SYT1: variants seen among roughly 807,000 people sequenced by gnomAD.
SYT1 encodes synaptotagmin 1.
In SYT1, 8 loss-of-function variants were observed where a neutral mutation model predicts 44.8. The observed-to-expected ratio is 0.18, with a 90% CI of 0.10 to 0.32. SYT1 has a LOEUF of 0.32. Among genes scored for constraint, SYT1 ranks in the 10% least tolerant of loss-of-function variants. The pLI, the probability that SYT1 is intolerant of heterozygous loss-of-function variation, is 1.00. For synonymous variants in SYT1, 154 were observed against 188.8 expected, an observed-to-expected ratio of 0.82 and a Z score of 1.51; for missense variants, 286 against 509.3, an observed-to-expected ratio of 0.56 and a Z score of 4.22.
intron 3 of SYT1, among the ~76,000 whole-genome samples, chr12:79,073,103 T>G (rs1442837573): frequency 1.3e-5 from 2 of 152,090 alleles, no homozygotes; most frequent in Non-Finnish European, 1.5e-5. Context: ...AGAACATAAT[T>G]ATTCTTTTTT....
chr12:79,028,577 G>T (rs116724106), intron 2 of SYT1, among the ~76,000 whole-genome samples: 1,686 of 151,244 alleles, frequency 0.011, 33 homozygotes, highest in African/African-American at 0.039. Context: ...ATACATCTTT[G>T]TTGGATAAAC....
chr12:79,039,161 C>A (rs7294674), intron 2 of SYT1, among the ~76,000 whole-genome samples: 11 of 151,796 alleles, frequency 7.2e-5, no homozygotes, highest in Non-Finnish European at 1.5e-4. Flanking sequence ...GTCGAAGCAA[C>A]AATAATCCCT....
Position 79,007,265 on chromosome 12 carries a change from T to A in SYT1, c.-84+29334T>A, listed in dbSNP as rs143000992. On this transcript the variant is annotated intron_variant, in intron 2 of 10. Transcript: ENST00000261205. Reference sequence around the variant, plus strand: ...TTATCAAGTCCCTCCTCCTCTGTGATGCTTCGTTAAGTACTCCAAGCCATG... The same window carrying A: ...TTATCAAGTCCCTCCTCCTCTGTGAAGCTTCGTTAAGTACTCCAAGCCATG... Among the ~76,000 whole-genome samples the A allele has an allele frequency of 3.9e-5, 6 of 152,304 alleles. No homozygotes were observed. The East Asian group carries it at 7.7e-4, about 20-fold the overall frequency.
chr12:79,299,255 T>C, intron 7 of SYT1, 129 bp from the exon 8 acceptor site: 5 of 1,052,590 alleles, frequency 4.8e-6, no homozygotes, highest in Non-Finnish European at 6.8e-6. Context: ...ATTTAAAAAA[T>C]AACCAAAAAC....
At position 79,189,276 on chromosome 12, in the gene SYT1, A is replaced by G. The variant is rs117411708; in HGVS notation, c.-17-28227A>G. Among the ~76,000 whole-genome samples, 841 of 152,238 alleles carry G rather than the reference A, an allele frequency of 5.5e-3. 5 individuals carry two copies. Among genetic ancestry groups the G allele is most frequent in the Non-Finnish European group, 8.5e-3 (581 of 68,010 alleles). ...CTAGCTCTGTGGTCTTGTACAAACT[A>G]TTTAGTCTGTCTACACTTTAATTTC... On this transcript the variant is annotated intron_variant, in intron 3 of 10. Transcript: ENST00000261205.
chr12:78,876,779 A>G lies in SYT1; in HGVS notation c.-217+11670A>G, dbSNP rs528749309. On this transcript the variant is annotated intron_variant, in intron 1 of 10. Transcript: ENST00000261205. ...TATTATATATATTATATATTTATAT[A>G]TTATATAATACATATAATATATTAT... 1.3e-3 allele frequency among the ~76,000 whole-genome samples: 70 copies of G among 52,578 alleles called. No homozygotes were observed. The South Asian group carries it at 0.025, about 19-fold the overall frequency. The allele number at this position is 52,578 out of a possible 152,430, so 34.5% of individuals were successfully genotyped here.
intron 1 of SYT1, among the ~76,000 whole-genome samples, chr12:78,917,962 C>T (rs1876763802): frequency 6.6e-6 from 1 of 151,992 alleles, no homozygotes; most frequent in Admixed American, 6.6e-5. Context: ...ATATTAAATC[C>T]TCCCTAAAAT....
At chr12:79,382,026 G>A (rs1884243305) in intron 9 of SYT1, among the ~76,000 whole-genome samples, 1 of 152,140 alleles carries the variant, frequency 6.6e-6, no homozygotes, top group African/African-American at 2.4e-5. Context: ...TGAGACCACG[G>A]GGGAGGAAGG....
chr12:79,217,333 G>A (rs1874870206), intron 3 of SYT1, among the ~76,000 whole-genome samples, 170 bp from the exon 4 acceptor site: 1 of 152,204 alleles, frequency 6.6e-6, no homozygotes, highest in Non-Finnish European at 1.5e-5. Context: ...TTCACTCGCT[G>A]TGGTTCCATA....
At chr12:79,303,136 T>G (rs1325401706) in intron 8 of SYT1, among the ~76,000 whole-genome samples, 1 of 152,170 alleles carries the variant, frequency 6.6e-6, no homozygotes, top group Non-Finnish European at 1.5e-5. Flanking sequence ...AATAATCTAT[T>G]TAATATTTTG....
chr12:79,307,873 G>A (rs544367381), intron 8 of SYT1, among the ~76,000 whole-genome samples: 18 of 152,344 alleles, frequency 1.2e-4, no homozygotes, highest in African/African-American at 4.3e-4. Flanking sequence ...CAGCTGCTGT[G>A]ATTACCTGGT....
At chr12:78,887,813 G>A (rs1592526846) in intron 1 of SYT1, among the ~76,000 whole-genome samples, 2 of 151,842 alleles carry the variant, frequency 1.3e-5, no homozygotes, top group East Asian at 3.9e-4. Context: ...TCAATATCTA[G>A]CCCTTTCTTT....
intron 7 of SYT1, among the ~76,000 whole-genome samples, chr12:79,296,460 A>T (rs949484663): frequency 1.6e-4 from 24 of 152,202 alleles, no homozygotes; most frequent in African/African-American, 5.1e-4. Flanking sequence ...AATGGAATGG[A>T]CTAGAACATG....
chr12:78,942,068 A>G (rs191053135), intron 1 of SYT1, among the ~76,000 whole-genome samples: 111 of 152,304 alleles, frequency 7.3e-4, no homozygotes, highest in African/African-American at 2.6e-3. Flanking sequence ...ACCCTTCAAT[A>G]TGCCAACCTC....
At chr12:79,326,087 C>A (rs73352963) in intron 8 of SYT1, among the ~76,000 whole-genome samples, 4 of 152,056 alleles carry the variant, frequency 2.6e-5, no homozygotes, top group Non-Finnish European at 5.9e-5. Flanking sequence ...AAATGGAACA[C>A]ATTTTCTTGC....
chr12:79,322,644 G>T (rs73352954), intron 8 of SYT1, among the ~76,000 whole-genome samples: 1 of 152,166 alleles, frequency 6.6e-6, no homozygotes. Context: ...CTCTCGGGGC[G>T]TTGGGCATTT....
At chr12:78,946,425 C>T (rs974563227) in intron 1 of SYT1, among the ~76,000 whole-genome samples, 4 of 152,034 alleles carry the variant, frequency 2.6e-5, no homozygotes, top group African/African-American at 4.8e-5. Context: ...GATGCCTAGG[C>T]GGGTGGATCA....
At chr12:79,245,302 CAAA>C (rs61324842) in intron 4 of SYT1, among the ~76,000 whole-genome samples, 3,707 of 104,098 alleles carry the variant, frequency 0.036, 75 homozygotes, top group East Asian at 0.14. Flanking sequence ...CCCGTCTCTA[CAAA>C]AAAAAAAAAA....
At chr12:78,897,906 G>A (rs1416001624) in intron 1 of SYT1, among the ~76,000 whole-genome samples, 1 of 151,976 alleles carries the variant, frequency 6.6e-6, no homozygotes, top group East Asian at 1.9e-4. Context: ...CCCAAGTTAG[G>A]ACATGAACCA....
Sources: allele counts gnomAD v4.1 joint callset (sites outside exome capture counted in the v4.1 genomes callset), GRCh38; gene constraint gnomAD v4.1.1; transcripts MANE v1.5; gene names NCBI Gene and HGNC (gene_info 2026-07-23, HGNC 2026-07-21).